Variants in PIEZO1 observed in about 807,000 individuals in gnomAD.
PIEZO1 encodes piezo type mechanosensitive ion channel component 1 (Er blood group), also known as piezo-type mechanosensitive ion channel component 1.
A neutral mutation model predicts 297.2 loss-of-function variants in PIEZO1; 296 were observed. That is an observed-to-expected ratio of 1.00 (90% CI 0.91 to 1.10). The LOEUF (loss-of-function observed/expected upper bound fraction) is 1.10, where lower values mean the gene tolerates loss of function less well. Ranked by LOEUF, PIEZO1 falls within the 50% of genes least tolerant of loss-of-function variation. The pLI is 0.00. For missense variants in PIEZO1, 5,018 were observed against 3,455.5 expected (o/e 1.45, Z -11.34); for synonymous variants, 2,427 against 1,507.5 (o/e 1.61, Z -14.13).
rs1488289006 is a variant in PIEZO1, at chr16:88,735,939, G to A, written c.1557+209C>T. On this transcript the variant is annotated intron_variant, in intron 12 of 50. Coordinates refer to ENST00000301015, the MANE Select transcript of PIEZO1 (RefSeq NM_001142864.4). Reference sequence around the variant, plus strand: ...GTGTCAGGGCACAGGGGTGGTGCCCGTGCCAACACAAGGTTGTCTGTTTAT... The same window carrying A: ...GTGTCAGGGCACAGGGGTGGTGCCCATGCCAACACAAGGTTGTCTGTTTAT... Among the ~76,000 whole-genome samples, 11 of 152,362 alleles carry A rather than the reference G, an allele frequency of 7.2e-5. No individual in the cohort carries two copies. In the East Asian group the frequency reaches 9.6e-4, roughly 13 times the overall value.
At chr16:88,777,766 C>T (rs1248083311) in intron 1 of PIEZO1, among the ~76,000 whole-genome samples, 2 of 152,238 alleles carry the variant, frequency 1.3e-5, no homozygotes, top group Admixed American at 1.3e-4. Context: ...AAACTGCAGG[C>T]CTTGGGGGGT....
chr16:88,737,529 C>T (rs1477396387), intron 10 of PIEZO1, 30 bp downstream of exon 10: 4 of 1,469,784 alleles, frequency 2.7e-6, no homozygotes, highest in Admixed American at 4.0e-5. Context: ...CCCCCGCACC[C>T]AGCCATACCT....
chr16:88,766,439 G>A (rs1397703130), intron 1 of PIEZO1, among the ~76,000 whole-genome samples: 4 of 152,218 alleles, frequency 2.6e-5, no homozygotes, highest in Non-Finnish European at 5.9e-5. Flanking sequence ...CATTTCACAG[G>A]TAGAGAGACA....
rs13333358 is a variant in PIEZO1 at position 88,736,716 on chromosome 16, T to A, written c.1219A>T (p.Arg407Trp). 4.6e-6 allele frequency: 7 copies of A among 1,531,536 alleles called. No individual in the cohort carries two copies. The highest frequency in any genetic ancestry group is 6.1e-6 in the Non-Finnish European group (7 of 1,144,736). The allele number at this position is 1,531,536 out of a possible 1,614,324, so 94.9% of individuals were successfully genotyped here. The part of the protein sequence containing the change: ...RPVRPKRAEP[R>W]EASPLHSLGH... ...AGGCTGTGGAGCGGAGACGCCTCCC[T>A]GGGCTCAGCCCGCTTGGGCCGCACT... The change falls in exon 11 of 51, where the codon AGG becomes TGG. Residue 407 changes from arginine to tryptophan, a missense_variant. Transcript: ENST00000301015.
chr16:88,722,170 TC>T, intron 36 of PIEZO1, 47 bp downstream of exon 36: 1 of 1,528,188 alleles, frequency 6.5e-7, no homozygotes, highest in African/African-American at 1.4e-5. Flanking sequence ...GTTCGGCTGC[TC>T]CCCGAGGGCC....
In PIEZO1 at chr16:88,721,808, C is replaced by G; in HGVS notation, c.5214G>C (p.Glu1738Asp). 1 of 1,544,320 alleles carries G rather than the reference C, an allele frequency of 6.5e-7. No individual in the cohort carries two copies. Residue 1738 changes from glutamate to aspartate, a missense_variant and splice_region_variant, in exon 37 of 51, where the codon GAG (glutamate) becomes GAC (aspartate). By Grantham distance (45) the Glu-to-Asp change is conservative. Transcript: ENST00000301015. ...CCCCTCCCCCGCGGCCTCGGCCCAC[C>G]TCGGTGAAGACGATGGCCGTCATCC... is the stretch of plus-strand genomic sequence containing the variant. The part of the protein sequence containing the change: ...RFWMTAIVFT[E>D]IAVVVKYLFQ...
chr16:88,731,571 G>A (rs1044852933), intron 22 of PIEZO1, 135 bp downstream of exon 22: 5 of 659,042 alleles, frequency 7.6e-6, no homozygotes, highest in Non-Finnish European at 1.3e-5. Context: ...AGGATGTGGA[G>A]CAGAGAGGAG....
intron 27 of PIEZO1, 114 bp downstream of exon 27, chr16:88,726,170 A>T: frequency 2.4e-6 from 2 of 827,006 alleles, no homozygotes. Flanking sequence ...CCCATGTCAC[A>T]GAGTGGCAGA....
intron 2 of PIEZO1, among the ~76,000 whole-genome samples, chr16:88,747,777 G>T (rs189455526): frequency 3.3e-5 from 5 of 152,194 alleles, no homozygotes; most frequent in African/African-American, 4.8e-5. Flanking sequence ...AGTCGGCCTG[G>T]ATTAGCCGGG....
intron 44 of PIEZO1, chr16:88,718,841 G>C (rs1177240442): frequency 6.5e-6 from 1 of 153,708 alleles, no homozygotes; most frequent in Non-Finnish European, 1.5e-5. Context: ...CAGAGTAGCT[G>C]GGAGCACAAG....
At chr16:88,773,417 C>T (rs1441937624) in intron 1 of PIEZO1, among the ~76,000 whole-genome samples, 1 of 152,262 alleles carries the variant, frequency 6.6e-6, no homozygotes, top group Non-Finnish European at 1.5e-5. Flanking sequence ...GGCCGAGGGT[C>T]GGCAGGAAGC....
chr16:88,724,652 C>G (rs1025568040), intron 30 of PIEZO1, among the ~76,000 whole-genome samples: 2 of 152,118 alleles, frequency 1.3e-5, no homozygotes, highest in African/African-American at 4.8e-5. Context: ...TGAGATCATG[C>G]CACTGCACTC....
At chr16:88,776,566 G>C (rs1330817082) in intron 1 of PIEZO1, among the ~76,000 whole-genome samples, 1 of 152,228 alleles carries the variant, frequency 6.6e-6, no homozygotes, top group Non-Finnish European at 1.5e-5. Context: ...GCACATCTAG[G>C]AGGGGAGGAA....
At chr16:88,724,926 G>T (rs1337424009) in intron 30 of PIEZO1, 83 bp downstream of exon 30, 1 of 871,192 alleles carries the variant, frequency 1.1e-6, no homozygotes, top group Non-Finnish European at 1.7e-6. Flanking sequence ...GGGAAGGGAG[G>T]GGAAGATAGC....
At chr16:88,717,850 C>T (rs778549845) in intron 44 of PIEZO1, 2 of 435,336 alleles carry the variant, frequency 4.6e-6, no homozygotes, top group Non-Finnish European at 9.0e-6. Context: ...AACAACCCAA[C>T]TGCTGGGTGT....
Position 88,721,939 on chromosome 16 carries a change from T to C in PIEZO1, c.5083A>G (p.Ile1695Val). ...AHSELLCYFI[I>V]ILNHMVTASA... Reference sequence around the variant, plus strand: ...GCCGTGACCATGTGGTTGAGGATGATGATGAAGTAGCAGAGCAGCTCCGAG... The same window carrying C: ...GCCGTGACCATGTGGTTGAGGATGACGATGAAGTAGCAGAGCAGCTCCGAG... The change falls in exon 37 of 51, where the codon ATC becomes GTC. Residue 1695 changes from isoleucine (I) to valine (V), a missense_variant. Physicochemically the swap from Ile to Val is conservative, Grantham distance 29 (BLOSUM62 3). Coordinates refer to ENST00000301015, the MANE Select transcript of PIEZO1 (RefSeq NM_001142864.4). 1 of 1,550,146 alleles carries C rather than the reference T, an allele frequency of 6.5e-7. No homozygotes were observed. Among genetic ancestry groups the C allele is most frequent in the East Asian group, 2.4e-5 (1 of 40,908 alleles).
rs924519126 is a variant in PIEZO1, at chr16:88,737,449, G to C, written c.1195+110C>G. The C allele has an allele frequency of 7.0e-6, 5 of 716,080 alleles. No homozygotes were observed. The East Asian group carries it at 1.1e-4, about 16-fold the overall frequency. 44.4% of individuals were successfully genotyped at this position (716,080 alleles called of 1,614,324 possible). On this transcript the variant is annotated intron_variant, in intron 10 of 50. Transcript: ENST00000301015. ...TCCTGGGCCCCCGAGGGGGCGGCAG[G>C]CAGAGGTGCGGCGCGAGCATGCGAG... is the stretch of plus-strand genomic sequence containing the variant.
chr16:88,764,814 G>A (rs1398714671), intron 1 of PIEZO1, among the ~76,000 whole-genome samples: 2 of 151,580 alleles, frequency 1.3e-5, no homozygotes, highest in African/African-American at 2.4e-5. Context: ...TTGACTCCCA[G>A]CATCATGCCG....
intron 3 of PIEZO1, 92 bp from the exon 4 acceptor site, chr16:88,742,187 G>C (rs1905723486): frequency 6.6e-7 from 1 of 1,507,592 alleles, no homozygotes; most frequent in Non-Finnish European, 8.9e-7. Flanking sequence ...GGACCATCCA[G>C]GCCAGACATA....
Sources: gnomAD v4.1 joint callset for allele counts (sites outside exome capture counted in the v4.1 genomes callset) on GRCh38, gnomAD v4.1.1 for gene constraint, MANE v1.5 for transcripts, NCBI Gene and HGNC (gene_info 2026-07-23, HGNC 2026-07-21) for gene names.